Variants in LRFN5 observed in about 807,000 individuals in gnomAD.
The protein encoded by LRFN5 is leucine-rich repeat and fibronectin type-III domain-containing protein 5.
Under a neutral mutation model 45.6 loss-of-function variants are expected in LRFN5, and 24 were observed. That is an observed-to-expected ratio of 0.53 (90% CI 0.38 to 0.74). The LOEUF (loss-of-function observed/expected upper bound fraction) is 0.74. Among genes scored for constraint, LRFN5 ranks in the 30% least tolerant of loss-of-function variants. LRFN5 has a pLI of 0.00. For missense variants in LRFN5, 776 were observed against 861.5 expected (o/e 0.90, Z 1.24); for synonymous variants, 340 against 313.8 (o/e 1.08, Z -0.88).
chr14:41,773,410 C>A (rs547292477), intron 2 of LRFN5, among the ~76,000 whole-genome samples: 21 of 152,102 alleles, frequency 1.4e-4, no homozygotes, highest in African/African-American at 4.8e-4. Flanking sequence ...ATGTTTTTTT[C>A]TTTAGTTGTT....
At chr14:41,645,394 C>G (rs1879769601) in intron 1 of LRFN5, among the ~76,000 whole-genome samples, 1 of 152,120 alleles carries the variant, frequency 6.6e-6, no homozygotes, top group Non-Finnish European at 1.5e-5. Flanking sequence ...ACCACCACAC[C>G]CAGCTAATTT....
chr14:41,655,465 C>T (rs1195475821), intron 1 of LRFN5, among the ~76,000 whole-genome samples: 2 of 151,868 alleles, frequency 1.3e-5, no homozygotes, highest in African/African-American at 2.4e-5. Context: ...GGAGCTAGAC[C>T]AAAGAGAGGC....
chr14:41,764,167 AT>A (rs951313707), intron 1 of LRFN5, among the ~76,000 whole-genome samples: 4 of 152,212 alleles, frequency 2.6e-5, no homozygotes, highest in East Asian at 3.9e-4. Context: ...ATCCTTATGG[AT>A]TTTTTTGAAA....
intron 2 of LRFN5, among the ~76,000 whole-genome samples, chr14:41,862,651 TACAG>T (rs1889704879): frequency 6.6e-6 from 1 of 152,176 alleles, no homozygotes; most frequent in African/African-American, 2.4e-5. Context: ...TTGTGCAAAT[TACAG>T]ACAGAGTATG....
At chr14:41,699,425 T>C (rs1032739063) in intron 1 of LRFN5, 4 of 152,092 alleles carry the variant, frequency 2.6e-5, no homozygotes, top group Non-Finnish European at 5.9e-5. Flanking sequence ...GAAAATGAGA[T>C]AAACTTCAGT....
chr14:41,827,945 A>G (rs1888353077), intron 2 of LRFN5, among the ~76,000 whole-genome samples: 1 of 151,990 alleles, frequency 6.6e-6, no homozygotes, highest in African/African-American at 2.4e-5. Flanking sequence ...TTTATTCTCA[A>G]AAGTTTCAAC....
At chr14:41,744,591 T>C (rs984781823) in intron 1 of LRFN5, among the ~76,000 whole-genome samples, 21 of 152,136 alleles carry the variant, frequency 1.4e-4, no homozygotes, top group East Asian at 5.8e-4. Context: ...ATTGGTAAAA[T>C]GCATTAAGAA....
At chr14:41,798,445 G>A (rs2138962284) in intron 2 of LRFN5, among the ~76,000 whole-genome samples, 1 of 152,092 alleles carries the variant, frequency 6.6e-6, no homozygotes, top group East Asian at 1.9e-4. Flanking sequence ...GTTGCTGTGT[G>A]CTGGCTATGG....
Position 41,710,768 on chromosome 14 carries a change from C to G in LRFN5, c.-196-56086C>G, listed in dbSNP as rs148315391. On this transcript the variant is annotated intron_variant, in intron 1 of 5. Transcript: ENST00000298119. Reference sequence around the variant, plus strand: ...ATATCTCCTAATGTTATCCCTCCCCCGTCCCCCGACCCCACGACAGGCCCC... The same window carrying G: ...ATATCTCCTAATGTTATCCCTCCCCGGTCCCCCGACCCCACGACAGGCCCC... Among the ~76,000 whole-genome samples, 63 of 152,138 alleles carry G rather than the reference C, an allele frequency of 4.1e-4. 1 individual carries two copies. In the East Asian group the frequency reaches 0.01, roughly 25 times the overall value.
intron 1 of LRFN5, among the ~76,000 whole-genome samples, chr14:41,627,568 T>G (rs1240167157): frequency 6.6e-6 from 1 of 152,172 alleles, no homozygotes; most frequent in East Asian, 1.9e-4. Flanking sequence ...ATTGACGTCA[T>G]GAAATCCTAA....
chr14:41,784,714 C>A (rs1363838492), intron 2 of LRFN5, among the ~76,000 whole-genome samples: 1 of 152,000 alleles, frequency 6.6e-6, no homozygotes, highest in African/African-American at 2.4e-5. Context: ...CTGTAAGCTT[C>A]GCCTCCTGGG....
chr14:41,627,251 A>G (rs1490070306), intron 1 of LRFN5, among the ~76,000 whole-genome samples: 1 of 152,102 alleles, frequency 6.6e-6, no homozygotes, highest in African/African-American at 2.4e-5. Context: ...TAATTTTAGG[A>G]TGTTTTCATT....
At chr14:41,694,476 T>C (rs1037706936) in intron 1 of LRFN5, among the ~76,000 whole-genome samples, 1 of 152,004 alleles carries the variant, frequency 6.6e-6, no homozygotes, top group Non-Finnish European at 1.5e-5. Flanking sequence ...TCACTATGCA[T>C]AGTGTTCTCT....
chr14:41,790,577 G>T (rs199547280), intron 2 of LRFN5, among the ~76,000 whole-genome samples: 12 of 143,022 alleles, frequency 8.4e-5, no homozygotes, highest in Non-Finnish European at 1.4e-4. Context: ...GGCTAATTTT[G>T]TTTTTTTTTT....
At chr14:41,703,766 G>GT (rs1566628460) in intron 1 of LRFN5, among the ~76,000 whole-genome samples, 1 of 152,056 alleles carries the variant, frequency 6.6e-6, no homozygotes. Flanking sequence ...AGATGATAGT[G>GT]TCAGGTGGTA....
At chr14:41,753,356 C>T (rs1258951202) in intron 1 of LRFN5, among the ~76,000 whole-genome samples, 1 of 152,162 alleles carries the variant, frequency 6.6e-6, no homozygotes, top group Non-Finnish European at 1.5e-5. Context: ...TTACCTTGGG[C>T]AGTATGGCCA....
chr14:41,614,847 ATCATC>A (rs1887879561), intron 1 of LRFN5, among the ~76,000 whole-genome samples: 1 of 152,092 alleles, frequency 6.6e-6, no homozygotes, highest in African/African-American at 2.4e-5. Context: ...CATCACCATG[ATCATC>A]TCATCATTAG....
intron 2 of LRFN5, among the ~76,000 whole-genome samples, chr14:41,875,000 C>G (rs763246510): frequency 1.3e-5 from 2 of 152,180 alleles, no homozygotes; most frequent in Non-Finnish European, 2.9e-5. Context: ...TACCCCCCCA[C>G]CAACTGGGTC....
rs749931581 is a variant in LRFN5, at chr14:41,891,920, G to A, written c.2056G>A (p.Val686Ile). 1 of 1,614,060 alleles carries A rather than the reference G, an allele frequency of 6.2e-7. No homozygotes were observed. Among genetic ancestry groups the A allele is most frequent in the East Asian group, 2.2e-5 (1 of 44,884 alleles). ...GTTAGCTAGCCGTCCTCCCGATTCTGTCACAGAGGGGCCCACGTCTAAAAG... is the reference window on the plus strand; with the variant it reads ...GTTAGCTAGCCGTCCTCCCGATTCTATCACAGAGGGGCCCACGTCTAAAAG... ...LQLASRPPDS[V>I]TEGPTSKRAH... is the part of the protein sequence containing the mutation. Residue 686 changes from valine to isoleucine, a missense_variant, in exon 4 of 6, where the codon GTC becomes ATC. This residue lies in a region of LRFN5 where 465 missense variants were observed against 456.4 expected (regional missense o/e 1.02). Coordinates refer to ENST00000298119, the MANE Select transcript of LRFN5 (RefSeq NM_152447.5).
Sources: gnomAD v4.1 joint callset for allele counts (sites outside exome capture counted in the v4.1 genomes callset) on GRCh38, gnomAD v4.1.1 for gene constraint, gnomAD v4.1.1 regional missense constraint, MANE v1.5 for transcripts, NCBI Gene and HGNC (gene_info 2026-07-23, HGNC 2026-07-21) for gene names.